WLS: variants seen among roughly 807,000 people sequenced by gnomAD.
WLS encodes the protein Wnt ligand secretion mediator, also known as protein wntless homolog.
Under a neutral mutation model 62.8 loss-of-function variants are expected in WLS, and 23 were observed. The ratio of observed to expected loss-of-function variants is 0.37; its 90% CI spans 0.26 to 0.52. The LOEUF is 0.52. WLS is among the 20% of genes least tolerant of loss of function. The pLI is 0.92. For synonymous variants in WLS, 246 were observed against 244.1 expected, an observed-to-expected ratio of 1.01 and a Z score of -0.07; for missense variants, 615 against 697.3, an observed-to-expected ratio of 0.88 and a Z score of 1.33.
intron 1 of WLS, among the ~76,000 whole-genome samples, chr1:68,206,847 A>T (rs569585950): frequency 6.6e-6 from 1 of 152,250 alleles, no homozygotes; most frequent in Admixed American, 6.5e-5. Context: ...TTATGATGAA[A>T]GTCACTCTTT....
chr1:68,110,651 ATCTCTG>A (rs1223443929), intron 11 of WLS, among the ~76,000 whole-genome samples: 522 of 126,226 alleles, frequency 4.1e-3, no homozygotes, highest in Non-Finnish European at 5.8e-3. Context: ...GCCCCCAAAA[ATCTCTG>A]TCTCTCTCTC....
intron 1 of WLS, among the ~76,000 whole-genome samples, chr1:68,227,405 C>CAAAAA (rs59704442): frequency 8.9e-6 from 1 of 112,822 alleles, no homozygotes. Context: ...GACTCCGTCA[C>CAAAAA]AAAAAAAAAA....
chr1:68,142,908 GATA>G (rs552338599), intron 10 of WLS: 33 of 152,156 alleles, frequency 2.2e-4, no homozygotes, highest in Non-Finnish European at 3.4e-4. Flanking sequence ...CTAGCTGAAA[GATA>G]ATGTTTACTT....
chr1:68,155,034 A>G (rs1646876880), intron 4 of WLS, 65 bp downstream of exon 4: 1 of 1,533,574 alleles, frequency 6.5e-7, no homozygotes, highest in Non-Finnish European at 8.9e-7. Context: ...TGAGGCATAG[A>G]GGTGCCAAGA....
At chr1:68,200,731 G>GA (rs1648966656) in intron 1 of WLS, among the ~76,000 whole-genome samples, 1 of 152,164 alleles carries the variant, frequency 6.6e-6, no homozygotes, top group Admixed American at 6.5e-5. Context: ...GAAATGTAGA[G>GA]AAAACCTCCA....
At chr1:68,183,635 G>A (rs774399736) in intron 2 of WLS, 13 of 436,894 alleles carry the variant, frequency 3.0e-5, no homozygotes, top group South Asian at 2.3e-4. Context: ...ATTTGTAGAA[G>A]GATGAAATTC....
At chr1:68,209,078 G>A (rs1195344466) in intron 1 of WLS, among the ~76,000 whole-genome samples, 1 of 152,018 alleles carries the variant, frequency 6.6e-6, no homozygotes, top group Non-Finnish European at 1.5e-5. Context: ...AGGATATTTA[G>A]CAACATCCTT....
intron 2 of WLS, among the ~76,000 whole-genome samples, chr1:68,166,774 C>T (rs10493434): frequency 2.0e-5 from 3 of 151,998 alleles, no homozygotes; most frequent in Admixed American, 2.0e-4. Flanking sequence ...TCTGCCGTCT[C>T]TTCACGTTAC....
chr1:68,113,232 G>T (rs551356939), intron 11 of WLS, among the ~76,000 whole-genome samples: 28 of 152,220 alleles, frequency 1.8e-4, no homozygotes, highest in Non-Finnish European at 3.5e-4. Flanking sequence ...CTTATAGATA[G>T]GTTGTTGAGT....
At position 68,150,234 on chromosome 1, in the gene WLS, G is replaced by A. The variant is rs764615459; in HGVS notation, c.926C>T (p.Ala309Val). ...GATGATCCAGAAGGACAGAAGCATC[G>A]CATAGAAGATGCCCTGTCGGATGTC... ...FGDIRQGIFY[A>V]MLLSFWIIFC... The change falls in exon 6 of 12, where the codon GCG (alanine) becomes GTG (valine). Residue 309 changes from alanine (A) to valine (V), a missense_variant. Coordinates refer to ENST00000262348, the MANE Select transcript of WLS (RefSeq NM_024911.7). 9.9e-6 allele frequency: 16 copies of A among 1,614,020 alleles called. No homozygotes were observed. Among genetic ancestry groups the A allele is most frequent in the Admixed American group, 5.0e-5 (3 of 60,002 alleles).
intron 2 of WLS, chr1:68,186,767 T>C (rs935356723): frequency 2.1e-5 from 9 of 428,472 alleles, no homozygotes; most frequent in Non-Finnish European, 4.2e-5. Flanking sequence ...TACTAAAACA[T>C]GTGTGTATAT....
chr1:68,168,909 G>A (rs1477858205), intron 2 of WLS, among the ~76,000 whole-genome samples: 2 of 152,150 alleles, frequency 1.3e-5, no homozygotes, highest in African/African-American at 4.8e-5. Context: ...TCTTATACAT[G>A]GTTAGGTCTG....
intron 1 of WLS, among the ~76,000 whole-genome samples, chr1:68,209,556 A>G (rs1349897517): frequency 6.6e-6 from 1 of 152,176 alleles, no homozygotes; most frequent in Non-Finnish European, 1.5e-5. Context: ...AGGTGGGCGG[A>G]ACACCTGATG....
intron 11 of WLS, among the ~76,000 whole-genome samples, chr1:68,127,658 T>C (rs773085196): frequency 1.3e-4 from 20 of 152,214 alleles, no homozygotes; most frequent in Non-Finnish European, 2.6e-4. Flanking sequence ...GTGATTTTTA[T>C]ATTGTGCACA....
At chr1:68,224,687 C>G (rs116637025) in intron 1 of WLS, among the ~76,000 whole-genome samples, 2 of 152,130 alleles carry the variant, frequency 1.3e-5, no homozygotes, top group Non-Finnish European at 2.9e-5. Flanking sequence ...TTGGGGATCC[C>G]TTGTTAAGGA....
intron 11 of WLS, among the ~76,000 whole-genome samples, chr1:68,116,211 C>T (rs1014904087): frequency 1.3e-5 from 2 of 152,206 alleles, no homozygotes; most frequent in Non-Finnish European, 2.9e-5. Flanking sequence ...TTCCTTGACC[C>T]TCCTGTACCC....
intron 2 of WLS, among the ~76,000 whole-genome samples, chr1:68,174,331 G>T (rs146531361): frequency 6.6e-6 from 1 of 152,122 alleles, no homozygotes; most frequent in East Asian, 1.9e-4. Flanking sequence ...TGTTTCATAC[G>T]GCTTATGTGG....
intron 6 of WLS, among the ~76,000 whole-genome samples, 158 bp from the exon 7 acceptor site, chr1:68,148,818 T>C (rs1202542052): frequency 6.6e-6 from 1 of 152,066 alleles, no homozygotes; most frequent in Non-Finnish European, 1.5e-5. Flanking sequence ...GAAAATCTCT[T>C]CTTCAGGAGC....
chr1:68,193,907 G>A, intron 2 of WLS, 48 bp downstream of exon 2: 2 of 1,575,998 alleles, frequency 1.3e-6, no homozygotes, highest in African/African-American at 1.4e-5. Flanking sequence ...AACCCAAAGA[G>A]GGCAATGCTC....
Sources: allele counts gnomAD v4.1 joint callset (sites outside exome capture counted in the v4.1 genomes callset), GRCh38; gene constraint gnomAD v4.1.1; transcripts MANE v1.5; gene names NCBI Gene and HGNC (gene_info 2026-07-23, HGNC 2026-07-21).